Variants in COL9A3 observed in about 807,000 individuals in gnomAD.
COL9A3 encodes the protein collagen alpha-3(IX) chain.
A neutral mutation model predicts 110.2 loss-of-function variants in COL9A3; 82 were observed. That is an observed-to-expected ratio of 0.74 (90% CI 0.62 to 0.89). The LOEUF is 0.89. COL9A3 is among the 40% of genes least tolerant of loss of function. The pLI is 0.00. For synonymous variants in COL9A3, 494 were observed against 403.8 expected (o/e 1.22, Z -2.68); for missense variants, 1,066 against 981.3 (o/e 1.09, Z -1.15).
intron 30 of COL9A3, among the ~76,000 whole-genome samples, chr20:62,837,678 AC>A (rs1442196721): frequency 5.3e-5 from 8 of 152,200 alleles, no homozygotes; most frequent in Non-Finnish European, 8.8e-5. Context: ...ATGGTGGCAC[AC>A]GCCTGTAATC....
chr20:62,836,807 C>G, intron 29 of COL9A3: 1 of 625,978 alleles, frequency 1.6e-6, no homozygotes, highest in Non-Finnish European at 2.8e-6. Context: ...GGTACAAGAA[C>G]AGCGGAGTGT....
chr20:62,817,017 G>T, upstream of COL9A3: 2 of 1,118,802 alleles, frequency 1.8e-6, no homozygotes, highest in Non-Finnish European at 2.2e-6. Context: ...CGCCCCGCCC[G>T]CCCGCGCGCC....
At position 62,838,690 on chromosome 20, in the gene COL9A3, A is replaced by C. The variant is rs201009783; in HGVS notation, c.1793A>C (p.Gln598Pro). 1.4e-5 allele frequency: 22 copies of C among 1,552,622 alleles called. No homozygotes were observed. In the African/African-American group the frequency reaches 1.6e-4, roughly 12 times the overall value. ...TGTCCACACCTCGTGACAGGAAACC[A>C]GGGTGACAGAGGAGACAAAGGCGCG... ...ELGDPGPRGNQGDRGDKGAAG... is the reference protein window; with the variant it reads ...ELGDPGPRGNPGDRGDKGAAG... The change falls in exon 31 of 32, where the codon CAG (glutamine) becomes CCG (proline). Residue 598 changes from glutamine (Q) to proline (P), a missense_variant. Transcript: ENST00000649368.
At chr20:62,817,345 G>A (rs920218107) in intron 1 of COL9A3, 8 of 486,722 alleles carry the variant, frequency 1.6e-5, no homozygotes, top group Non-Finnish European at 2.4e-5. Flanking sequence ...GGCCGGCGCC[G>A]CCGCCTCCTC....
chr20:62,832,768 G>T, intron 25 of COL9A3: 3 of 289,912 alleles, frequency 1.0e-5, no homozygotes, highest in Non-Finnish European at 1.1e-5. Flanking sequence ...AACCCCCACC[G>T]CAGGTTCTGC....
In COL9A3 at chr20:62,822,180, A is replaced by G; in HGVS notation, c.477+16A>G. 1 of 1,519,212 alleles carries G rather than the reference A, an allele frequency of 6.6e-7. No homozygotes were observed. Among genetic ancestry groups the G allele is most frequent in the Non-Finnish European group, 9.1e-7 (1 of 1,094,246 alleles). The allele number at this position is 1,519,212 out of a possible 1,614,324, so 94.1% of individuals were successfully genotyped here. A position where few individuals can be genotyped will look rare whatever the true frequency, so the allele number is the denominator to read the frequency against. ...CGGACCCCCTGTAAGTACTGGGCAG[A>G]GGCTCTAAGAAGTGCTGGGCATGGA... is the stretch of plus-strand genomic sequence containing the variant. On this transcript the variant is annotated intron_variant, in intron 9 of 31. Transcript: ENST00000649368.
rs2147215290 is a variant in COL9A3 at position 62,829,473 on chromosome 20, G to A, written c.1027G>A (p.Gly343Arg). The A allele has an allele frequency of 6.2e-7, 1 of 1,612,870 alleles. No homozygotes were observed. The highest frequency in any genetic ancestry group is 8.5e-7 in the Non-Finnish European group (1 of 1,179,922). Residue 343 changes from glycine (G) to arginine (R), a missense_variant, in exon 20 of 32, where the codon GGG becomes AGG. Physicochemically the swap from Gly to Arg is moderately radical, Grantham distance 125 (BLOSUM62 -2). Coordinates refer to ENST00000649368, the MANE Select transcript of COL9A3 (RefSeq NM_001853.4). The part of the protein sequence containing the change: ...NGLPGLPGRA[G>R]SKGEKGERGR... ...CTGGCAGGGCCTCCCTGGACGAGCG[G>A]GGTCCAAAGGCGAGAAGGGAGAACG...
chr20:62,840,404 G>A, intron 31 of COL9A3, 138 bp from the exon 32 acceptor site: 2 of 846,054 alleles, frequency 2.4e-6, no homozygotes, highest in Non-Finnish European at 2.0e-6. Flanking sequence ...CGTTCCCTCG[G>A]CCTCCCCACC....
intron 11 of COL9A3, 103 bp downstream of exon 11, chr20:62,824,604 C>T: frequency 7.9e-7 from 1 of 1,261,114 alleles, no homozygotes; most frequent in Non-Finnish European, 1.1e-6. Flanking sequence ...AAGCTGGACC[C>T]TGGTTCCAGG....
chr20:62,822,559 G>A (rs752541958), intron 9 of COL9A3, 32 bp from the exon 10 acceptor site: 14 of 1,610,974 alleles, frequency 8.7e-6, no homozygotes, highest in East Asian at 6.7e-5. Flanking sequence ...TGGGGAGGGC[G>A]GGAGAATGTC....
chr20:62,824,300 G>C, intron 10 of COL9A3, 145 bp from the exon 11 acceptor site: 1 of 806,244 alleles, frequency 1.2e-6, no homozygotes, highest in Non-Finnish European at 2.1e-6. Context: ...GTGGCCTCCT[G>C]GGGTCCTGTC....
intron 17 of COL9A3, 26 bp downstream of exon 17, chr20:62,828,002 A>C: frequency 1.2e-6 from 2 of 1,612,368 alleles, no homozygotes; most frequent in Non-Finnish European, 1.7e-6. Context: ...TGCTCATGGA[A>C]TGCTCCTCCC....
chr20:62,837,172 C>G lies in COL9A3; in HGVS notation c.1693C>G (p.Pro565Ala), dbSNP rs754748822. ...CGGTCCAGCTGGCCCCCCTGGGCCC[C>G]CAGGACCCCCAGGCTCCATTGGTCA... ...RPGPAGPPGPPGPPGSIGHPG... is the reference protein window; with the variant it reads ...RPGPAGPPGPAGPPGSIGHPG... The change falls in exon 30 of 32, where the codon CCA (proline) becomes GCA (alanine). Residue 565 changes from proline to alanine, a missense_variant. Pro to Ala is a conservative substitution (Grantham distance 27). Transcript: ENST00000649368. 1 of 1,612,356 alleles carries G rather than the reference C, an allele frequency of 6.2e-7. No homozygotes were observed. Among genetic ancestry groups the G allele is most frequent in the African/African-American group, 1.3e-5 (1 of 75,048 alleles).
chr20:62,835,672 G>A (rs2063629503), intron 26 of COL9A3, among the ~76,000 whole-genome samples: 1 of 152,214 alleles, frequency 6.6e-6, no homozygotes, highest in Non-Finnish European at 1.5e-5. Flanking sequence ...GCGTGTGTAA[G>A]AGACAGCACC....
chr20:62,817,310 C>T lies in COL9A3; in HGVS notation c.78+168C>T, dbSNP rs563715409. ...GATGAGCCCCGTCCGGCCGCGTCCT[C>T]GATGGGTCCTCGCTGGCCCGGGTCG... is the stretch of plus-strand genomic sequence containing the variant. On this transcript the variant is annotated intron_variant, in intron 1 of 31. Transcript: ENST00000649368. The T allele has an allele frequency of 2.0e-5, 10 of 501,056 alleles. No individual in the cohort carries two copies. The East Asian group carries it at 3.9e-4, about 19-fold the overall frequency. 31.0% of individuals were successfully genotyped at this position (501,056 alleles called of 1,614,324 possible).
chr20:62,836,379 G>A (rs145062811), intron 28 of COL9A3, 46 bp downstream of exon 28: 66 of 1,613,938 alleles, frequency 4.1e-5, no homozygotes, highest in South Asian at 1.2e-4. Flanking sequence ...GGTTGAGATC[G>A]TGTTTTTTCC....
rs778782500 is a variant in COL9A3, at chr20:62,828,878, G to A, written c.955-45G>A. 14 of 1,612,152 alleles carry A rather than the reference G, an allele frequency of 8.7e-6. No homozygotes were observed. The African/African-American group carries it at 9.3e-5, about 11-fold the overall frequency. ...GGGCTGGAGGGGAGTTCGGCCTCCC[G>A]AGGCCTCAGCCTCCCCTTCCGCACC... On this transcript the variant is annotated intron_variant, in intron 18 of 31. Coordinates refer to ENST00000649368, the MANE Select transcript of COL9A3 (RefSeq NM_001853.4).
In COL9A3 at chr20:62,840,695, G is replaced by A; in HGVS notation, c.2018G>A (p.Gly673Glu). The change falls in exon 32 of 32, where the codon GGA becomes GAA. Residue 673 changes from glycine (G) to glutamate (E), a missense_variant. By Grantham distance (98) the Gly-to-Glu change is moderately conservative. Coordinates refer to ENST00000649368, the MANE Select transcript of COL9A3 (RefSeq NM_001853.4). ...TCAGCCTGCCAAGGAGCCGTGTTAG[G>A]AGGGGTCGGGGAGAAATCAGGCTCT... is the stretch of plus-strand genomic sequence containing the variant. ...DTSACQGAVL[G>E]GVGEKSGSRS... 1 of 1,594,294 alleles carries A rather than the reference G, an allele frequency of 6.3e-7. No individual in the cohort carries two copies. Among genetic ancestry groups the A allele is most frequent in the Non-Finnish European group, 8.5e-7 (1 of 1,170,456 alleles).
Sources: allele counts gnomAD v4.1 joint callset (sites outside exome capture counted in the v4.1 genomes callset), GRCh38; gene constraint gnomAD v4.1.1; transcripts MANE v1.5; gene names NCBI Gene and HGNC (gene_info 2026-07-23, HGNC 2026-07-21).